The following CAST variants were observed in gnomAD, a reference collection of about 807,000 sequenced individuals.
CAST encodes the protein calpastatin.
A neutral mutation model predicts 119.6 loss-of-function variants in CAST; 76 were observed. That is an observed-to-expected ratio of 0.64 (90% CI 0.53 to 0.77). The LOEUF is 0.77. CAST is among the 30% of genes least tolerant of loss of function. The pLI is 0.00. For synonymous variants in CAST, 319 were observed against 331.6 expected, an observed-to-expected ratio of 0.96 and a Z score of 0.41; for missense variants, 953 against 946.5, an observed-to-expected ratio of 1.01 and a Z score of -0.09.
the CAST span, among the ~76,000 whole-genome samples, chr5:96,259,488 G>A: frequency 2.8e-4 from 42 of 152,290 alleles, no homozygotes; most frequent in African/African-American, 1.0e-3. Flanking sequence ...AGCTAGCATA[G>A]GTCACATTTG....
upstream of CAST, among the ~76,000 whole-genome samples, chr5:96,526,635 C>CGT (rs1272100265): frequency 6.6e-5 from 10 of 152,064 alleles, no homozygotes; most frequent in African/African-American, 2.4e-4. Flanking sequence ...GTTCTGAACC[C>CGT]ATTCAGTCAC....
chr5:96,091,307 A>G, the CAST span, among the ~76,000 whole-genome samples: 1 of 151,008 alleles, frequency 6.6e-6, no homozygotes, highest in Non-Finnish European at 1.5e-5. Context: ...GGTTCAAGCG[A>G]TTCTCCTGCC....
At chr5:96,429,128 G>A in the CAST span, 2 of 753,426 alleles carry the variant, frequency 2.7e-6, no homozygotes, top group South Asian at 3.2e-5. Context: ...AACCACATTT[G>A]CAAAATGCTT....
the CAST span, among the ~76,000 whole-genome samples, chr5:96,030,963 G>A: frequency 1.3e-5 from 2 of 152,014 alleles, no homozygotes; most frequent in East Asian, 1.9e-4. Context: ...GAATATTAAC[G>A]TATTGTACTA....
chr5:96,703,871 T>C (rs1754398399), intron 3 of CAST, among the ~76,000 whole-genome samples: 1 of 152,236 alleles, frequency 6.6e-6, no homozygotes, highest in South Asian at 2.1e-4. Context: ...TAATCAGCAC[T>C]AGAGTTTATA....
At chr5:96,588,850 T>C (rs1206904282) in intron 1 of CAST, among the ~76,000 whole-genome samples, 1 of 152,208 alleles carries the variant, frequency 6.6e-6, no homozygotes, top group Non-Finnish European at 1.5e-5. Flanking sequence ...TTACTTCATA[T>C]AGAAAAAGCT....
At chr5:96,727,040 C>T (rs1168293136) in intron 5 of CAST, among the ~76,000 whole-genome samples, 181 bp downstream of exon 5, 1 of 152,242 alleles carries the variant, frequency 6.6e-6, no homozygotes, top group Non-Finnish European at 1.5e-5. Context: ...TCACTGCTTT[C>T]TGTGCCCTCA....
At chr5:96,662,948 G>A (rs2150215220) in intron 1 of CAST, 1 of 591,718 alleles carries the variant, frequency 1.7e-6, no homozygotes, top group South Asian at 2.0e-5. Flanking sequence ...GGGCGGGCGA[G>A]GAGGGGCGGG....
At chr5:96,504,686 C>T in the CAST span, among the ~76,000 whole-genome samples, 647 of 152,244 alleles carry the variant, frequency 4.2e-3, 5 homozygotes, top group Non-Finnish European at 5.9e-3. Context: ...GATTTGGTAA[C>T]GGTACACACA....
the CAST span, among the ~76,000 whole-genome samples, chr5:96,479,050 C>T: frequency 6.6e-6 from 1 of 152,128 alleles, no homozygotes; most frequent in Non-Finnish European, 1.5e-5. Flanking sequence ...AAAGTGAGCA[C>T]TGAGGAGGAG....
the CAST span, among the ~76,000 whole-genome samples, chr5:96,066,721 G>A: frequency 6.6e-6 from 1 of 151,944 alleles, no homozygotes; most frequent in Admixed American, 6.6e-5. Flanking sequence ...GTACAGTGGT[G>A]TGATCATACC....
chr5:96,424,390 G>T, the CAST span, among the ~76,000 whole-genome samples: 1 of 152,116 alleles, frequency 6.6e-6, no homozygotes, highest in East Asian at 1.9e-4. Context: ...TCAGTTGCAG[G>T]AACAATTTTA....
chr5:96,727,293 G>A (rs761548520), intron 5 of CAST, among the ~76,000 whole-genome samples, 196 bp from the exon 6 acceptor site: 2 of 152,146 alleles, frequency 1.3e-5, no homozygotes, highest in Non-Finnish European at 2.9e-5. Flanking sequence ...ATATTAACTA[G>A]TATACCTAAT....
At chr5:96,627,287 A>G (rs780056693) in intron 1 of CAST, among the ~76,000 whole-genome samples, 1 of 152,220 alleles carries the variant, frequency 6.6e-6, no homozygotes, top group Non-Finnish European at 1.5e-5. Context: ...CTAGAGGGTG[A>G]TTATGAAAGT....
chr5:96,599,412 A>T (rs1747106086), intron 1 of CAST, among the ~76,000 whole-genome samples: 1 of 152,214 alleles, frequency 6.6e-6, no homozygotes, highest in Non-Finnish European at 1.5e-5. Context: ...AATCAAGTGG[A>T]ATATAAATGT....
chr5:96,014,657 A>G, the CAST span, among the ~76,000 whole-genome samples: 1 of 151,838 alleles, frequency 6.6e-6, no homozygotes, highest in Non-Finnish European at 1.5e-5. Context: ...CTTATGGGAC[A>G]CTCTCTCATA....
At chr5:96,623,543 G>A (rs1006932418) in intron 1 of CAST, among the ~76,000 whole-genome samples, 1 of 152,132 alleles carries the variant, frequency 6.6e-6, no homozygotes, top group Non-Finnish European at 1.5e-5. Flanking sequence ...TTAAGTGCCA[G>A]TGTCATTTAA....
the CAST span, among the ~76,000 whole-genome samples, chr5:96,514,904 A>C: frequency 2.6e-5 from 4 of 152,142 alleles, no homozygotes; most frequent in African/African-American, 7.2e-5. Flanking sequence ...GGTGTGCGCC[A>C]CCATGGCCAG....
the CAST span, among the ~76,000 whole-genome samples, chr5:95,995,317 A>G: frequency 6.6e-6 from 1 of 152,140 alleles, no homozygotes; most frequent in Non-Finnish European, 1.5e-5. Flanking sequence ...CCTGACAGAG[A>G]AGAAATAGCT....
Sources: allele counts gnomAD v4.1 joint callset (sites outside exome capture counted in the v4.1 genomes callset), GRCh38; gene constraint gnomAD v4.1.1; transcripts MANE v1.5; gene names NCBI Gene and HGNC (gene_info 2026-07-23, HGNC 2026-07-21).